Variants in CALD1 observed in about 807,000 individuals in gnomAD.
The protein encoded by CALD1 is caldesmon 1, also known as caldesmon.
A neutral mutation model predicts 99.9 loss-of-function variants in CALD1; 33 were observed. That is an observed-to-expected ratio of 0.33 (90% CI 0.25 to 0.44). CALD1 has a LOEUF of 0.44. Ranked by LOEUF, CALD1 falls within the 20% of genes least tolerant of loss-of-function variation. CALD1 has a pLI of 1.00. For synonymous variants in CALD1, 310 were observed against 325.0 expected, an observed-to-expected ratio of 0.95 and a Z score of 0.50; for missense variants, 861 against 962.1, an observed-to-expected ratio of 0.89 and a Z score of 1.39.
intron 3 of CALD1, among the ~76,000 whole-genome samples, chr7:134,902,674 T>C (rs1253322535): frequency 1.3e-5 from 2 of 152,050 alleles, no homozygotes; most frequent in Non-Finnish European, 2.9e-5. Context: ...GAGAATAAAT[T>C]TACAACCTAC....
At position 134,947,659 on chromosome 7, in the gene CALD1, G is replaced by C; in HGVS notation, c.1684G>C (p.Ala562Pro). The C allele has an allele frequency of 6.3e-7, 1 of 1,588,172 alleles. No individual in the cohort carries two copies. The highest frequency in any genetic ancestry group is 8.6e-7 in the Non-Finnish European group (1 of 1,166,420). Residue 562 changes from alanine to proline, a missense_variant, in exon 8 of 15, where the codon GCT becomes CCT. Physicochemically the swap from Ala to Pro is conservative, Grantham distance 27. Coordinates refer to ENST00000361675, the MANE Select transcript of CALD1 (RefSeq NM_033138.4). ...EKLKQKQQEA[A>P]LELEELKKKR... ...GCTCAAACAGAAGCAGCAGGAGGCG[G>C]CTTTGGAGCTGGAGGAACTCAAGAA...
At chr7:134,901,159 G>A (rs1802965881) in intron 3 of CALD1, among the ~76,000 whole-genome samples, 1 of 150,690 alleles carries the variant, frequency 6.6e-6, no homozygotes, top group Non-Finnish European at 1.5e-5. Context: ...GAGGTAGGGA[G>A]AAGTAGGGTT....
At chr7:134,713,884 G>A in the CALD1 span, among the ~76,000 whole-genome samples, 1 of 152,146 alleles carries the variant, frequency 6.6e-6, no homozygotes, top group Admixed American at 6.5e-5. Flanking sequence ...TGGTGATACG[G>A]TTTGGGTCTG....
intron 6 of CALD1, among the ~76,000 whole-genome samples, chr7:134,937,884 TC>T (rs1347949371): frequency 6.6e-6 from 1 of 152,230 alleles, no homozygotes; most frequent in Non-Finnish European, 1.5e-5. Flanking sequence ...TTAGCTTTTT[TC>T]TCTCCTCTCC....
intron 1 of CALD1, among the ~76,000 whole-genome samples, chr7:134,823,355 A>G (rs1168800108): frequency 6.6e-6 from 1 of 152,238 alleles, no homozygotes; most frequent in Admixed American, 6.5e-5. Context: ...ATTGGGTATC[A>G]TGTCATCCAC....
chr7:134,933,947 A>T lies in CALD1; in HGVS notation c.1178A>T (p.Glu393Val), dbSNP rs763340502. The T allele has an allele frequency of 6.2e-7, 1 of 1,614,114 alleles. No homozygotes were observed. The highest frequency in any genetic ancestry group is 8.5e-7 in the Non-Finnish European group (1 of 1,179,980). Residue 393 changes from glutamate to valine, a missense_variant, in exon 5 of 15, where the codon GAA becomes GTA. This residue lies in a region of CALD1 where 293 missense variants were observed against 262.7 expected (regional missense o/e 1.12). Transcript: ENST00000361675. Reference sequence around the variant, plus strand: ...GAGCAGAAACGTAACAAGCAGCTAGAAGAGAAAAAACATGCCATGCAAGAG... The same window carrying T: ...GAGCAGAAACGTAACAAGCAGCTAGTAGAGAAAAAACATGCCATGCAAGAG... Reference protein sequence around the residue: ...VEEQKRNKQLEEKKHAMQETK... With the variant: ...VEEQKRNKQLVEKKHAMQETK...
chr7:134,863,845 A>G (rs942362009), intron 2 of CALD1, among the ~76,000 whole-genome samples: 1 of 152,242 alleles, frequency 6.6e-6, no homozygotes, highest in African/African-American at 2.4e-5. Context: ...GAGAAGAAAA[A>G]AAAGTCACAA....
chr7:134,952,473 C>CTTTTTTTTT (rs747660510), intron 9 of CALD1, among the ~76,000 whole-genome samples: 1 of 140,940 alleles, frequency 7.1e-6, no homozygotes, highest in African/African-American at 2.6e-5. Flanking sequence ...TTCCCTTAGT[C>CTTTTTTTTT]TTTTTTTTTT....
At chr7:134,777,283 C>T (rs1562993979), upstream of CALD1, among the ~76,000 whole-genome samples, 1 of 152,084 alleles carries the variant, frequency 6.6e-6, no homozygotes, top group Admixed American at 6.5e-5. Context: ...CTATATAGTT[C>T]CTCCATGATA....
At chr7:134,900,872 G>A (rs1436861711) in intron 3 of CALD1, among the ~76,000 whole-genome samples, 6 of 152,038 alleles carry the variant, frequency 3.9e-5, no homozygotes, top group African/African-American at 1.4e-4. Context: ...GATATCTTCT[G>A]CCAACAAACT....
intron 1 of CALD1, among the ~76,000 whole-genome samples, chr7:134,800,728 A>T (rs1797912087): frequency 6.6e-6 from 1 of 152,084 alleles, no homozygotes; most frequent in Admixed American, 6.5e-5. Flanking sequence ...TATGTACAGG[A>T]TGTCTGAAAA....
At chr7:134,793,017 T>C (rs1360747384) in intron 1 of CALD1, among the ~76,000 whole-genome samples, 11 of 152,350 alleles carry the variant, frequency 7.2e-5, no homozygotes, top group African/African-American at 2.6e-4. Flanking sequence ...CTTCACATAC[T>C]GTGGCCTATC....
At chr7:134,896,630 A>G (rs1802594667) in intron 3 of CALD1, among the ~76,000 whole-genome samples, 1 of 152,242 alleles carries the variant, frequency 6.6e-6, no homozygotes, top group African/African-American at 2.4e-5. Context: ...CCTGGTGGCC[A>G]CAAGCCTTTC....
intron 3 of CALD1, among the ~76,000 whole-genome samples, chr7:134,887,449 T>C (rs1405964573): frequency 6.6e-6 from 1 of 152,192 alleles, no homozygotes; most frequent in East Asian, 1.9e-4. Flanking sequence ...ATGAATTTCT[T>C]CATAAGAAAA....
chr7:134,883,301 C>T (rs1586192983), intron 3 of CALD1, among the ~76,000 whole-genome samples: 1 of 152,110 alleles, frequency 6.6e-6, no homozygotes, highest in African/African-American at 2.4e-5. Context: ...TTTTAGAAAG[C>T]TGGATTCATA....
At chr7:134,788,857 A>G (rs1265644229) in intron 1 of CALD1, among the ~76,000 whole-genome samples, 2 of 152,008 alleles carry the variant, frequency 1.3e-5, no homozygotes, top group Non-Finnish European at 2.9e-5. Flanking sequence ...TCTACAAAAA[A>G]TACAAAAATT....
At chr7:134,824,193 G>A (rs1798894791) in intron 1 of CALD1, among the ~76,000 whole-genome samples, 1 of 152,070 alleles carries the variant, frequency 6.6e-6, no homozygotes, top group Non-Finnish European at 1.5e-5. Flanking sequence ...ATTTGTTTGG[G>A]GTGGCAATTT....
chr7:134,826,591 C>T (rs956087599), intron 1 of CALD1, among the ~76,000 whole-genome samples: 14 of 152,164 alleles, frequency 9.2e-5, no homozygotes, highest in Admixed American at 3.9e-4. Context: ...TTACCACGAA[C>T]ACTGTTGCCT....
chr7:134,915,143 G>A (rs2132740344), intron 3 of CALD1, among the ~76,000 whole-genome samples: 1 of 152,302 alleles, frequency 6.6e-6, no homozygotes. Context: ...CTGAACAATG[G>A]TTTGCCACCT....
Sources: gnomAD v4.1 joint callset for allele counts (sites outside exome capture counted in the v4.1 genomes callset) on GRCh38, gnomAD v4.1.1 for gene constraint, gnomAD v4.1.1 regional missense constraint, MANE v1.5 for transcripts, NCBI Gene and HGNC (gene_info 2026-07-23, HGNC 2026-07-21) for gene names.